The following DNAAF9 variants were observed in gnomAD, a reference collection of about 807,000 sequenced individuals.
DNAAF9 encodes the protein dynein axonemal assembly factor 9.
Under a neutral mutation model 167.0 loss-of-function variants are expected in DNAAF9, and 90 were observed. The observed-to-expected ratio is 0.54, with a 90% CI of 0.45 to 0.64. DNAAF9 has a LOEUF of 0.64. Among genes scored for constraint, DNAAF9 ranks in the 30% least tolerant of loss-of-function variants. The pLI is 0.00. For synonymous variants in DNAAF9, 491 were observed against 508.8 expected, an observed-to-expected ratio of 0.96 and a Z score of 0.47; for missense variants, 1,315 against 1,442.2, an observed-to-expected ratio of 0.91 and a Z score of 1.43.
intron 1 of DNAAF9, among the ~76,000 whole-genome samples, chr20:3,394,769 A>C (rs1026751234): frequency 6.6e-6 from 1 of 152,018 alleles, no homozygotes; most frequent in Non-Finnish European, 1.5e-5. Flanking sequence ...TTGGATCTCT[A>C]TCTGAGGCAT....
rs1261440724 is a variant in DNAAF9, at chr20:3,379,017, C to T, written c.283+2362G>A. ...TCTCAGCATATTGGTCCTTCTCACACACTCCCTCCAAGAGCCCTTCCCTGA... is the reference window on the plus strand; with the variant it reads ...TCTCAGCATATTGGTCCTTCTCACATACTCCCTCCAAGAGCCCTTCCCTGA... On this transcript the variant is annotated intron_variant, in intron 3 of 36. Coordinates refer to ENST00000252032, the MANE Select transcript of DNAAF9 (RefSeq NM_001009984.3). Among the ~76,000 whole-genome samples, 3 of 151,712 alleles carry T rather than the reference C, an allele frequency of 2.0e-5. 1 individual carries two copies. The highest frequency in any genetic ancestry group is 4.4e-5 in the Non-Finnish European group (3 of 67,856).
At chr20:3,252,824 CTT>C in intron 36 of DNAAF9, 140 bp from the exon 37 acceptor site, 2 of 645,378 alleles carry the variant, frequency 3.1e-6, no homozygotes, top group Admixed American at 2.6e-5. Flanking sequence ...CTGATGGACT[CTT>C]TGTATATACT....
At chr20:3,284,298 A>T (rs2068813923) in intron 27 of DNAAF9, among the ~76,000 whole-genome samples, 1 of 149,522 alleles carries the variant, frequency 6.7e-6, no homozygotes, top group Non-Finnish European at 1.5e-5. Context: ...CTCCTGCCTC[A>T]GCCTCCTGAG....
intron 10 of DNAAF9, among the ~76,000 whole-genome samples, chr20:3,338,950 G>A (rs917429352): frequency 2.0e-5 from 3 of 151,898 alleles, no homozygotes; most frequent in South Asian, 2.1e-4. Context: ...CACTGTGCCC[G>A]GCTGGTTCTT....
chr20:3,376,856 A>G (rs559609444), intron 3 of DNAAF9, among the ~76,000 whole-genome samples: 2 of 152,314 alleles, frequency 1.3e-5, no homozygotes, highest in African/African-American at 4.8e-5. Context: ...CGAGGTCAGG[A>G]GTTTGAGACC....
intron 29 of DNAAF9, among the ~76,000 whole-genome samples, chr20:3,276,924 T>C (rs530013310): frequency 1.7e-4 from 26 of 152,304 alleles, no homozygotes; most frequent in African/African-American, 6.3e-4. Flanking sequence ...ACTGCTTCTC[T>C]GAGTCAATCT....
intron 1 of DNAAF9, 73 bp downstream of exon 1, chr20:3,407,401 CG>C: frequency 8.7e-7 from 1 of 1,154,098 alleles, no homozygotes; most frequent in Non-Finnish European, 1.1e-6. Context: ...CGCCCTGCGG[CG>C]GGAGGCGTCG....
chr20:3,347,731 T>C (rs1001951760), intron 8 of DNAAF9, among the ~76,000 whole-genome samples: 1 of 152,122 alleles, frequency 6.6e-6, no homozygotes, highest in African/African-American at 2.4e-5. Flanking sequence ...GAGACCAGCC[T>C]GGTCAACATG....
intron 21 of DNAAF9, among the ~76,000 whole-genome samples, chr20:3,303,370 T>C (rs1167103322): frequency 6.6e-6 from 1 of 152,236 alleles, no homozygotes; most frequent in Non-Finnish European, 1.5e-5. Flanking sequence ...TTTTATATTC[T>C]ATTTGTGAAA....
chr20:3,389,006 T>C (rs929295704), intron 1 of DNAAF9, among the ~76,000 whole-genome samples: 2 of 152,192 alleles, frequency 1.3e-5, no homozygotes, highest in Non-Finnish European at 2.9e-5. Flanking sequence ...TTCGTTCTTG[T>C]TGCCTAGGCT....
chr20:3,402,604 A>C (rs1385129046), intron 1 of DNAAF9, among the ~76,000 whole-genome samples: 1 of 150,408 alleles, frequency 6.6e-6, no homozygotes, highest in Non-Finnish European at 1.5e-5. Flanking sequence ...TTGACACAGG[A>C]TCTCACTCTG....
At chr20:3,327,249 G>A (rs2069727080) in intron 12 of DNAAF9, among the ~76,000 whole-genome samples, 1 of 152,258 alleles carries the variant, frequency 6.6e-6, no homozygotes, top group South Asian at 2.1e-4. Flanking sequence ...CCTGTGCATT[G>A]TAGGATGTTC....
chr20:3,394,017 A>G (rs2083865193), intron 1 of DNAAF9, among the ~76,000 whole-genome samples: 1 of 152,184 alleles, frequency 6.6e-6, no homozygotes, highest in Non-Finnish European at 1.5e-5. Context: ...TTTTTTCAGA[A>G]TAATTTACAT....
Position 3,259,427 on chromosome 20 carries a change from T to C in DNAAF9, c.3055+53A>G, listed in dbSNP as rs368078121. ...CAGCAGAGGCTCTGAACTCACATCA[T>C]GAGATGCAAGCACTCCATGGTGTAG... On this transcript the variant is annotated intron_variant, in intron 33 of 36. Coordinates refer to ENST00000252032, the MANE Select transcript of DNAAF9 (RefSeq NM_001009984.3). 3.0e-4 allele frequency: 337 copies of C among 1,119,822 alleles called. 1 individual carries two copies. The highest frequency in any genetic ancestry group is 2.1e-3 in the Admixed American group (123 of 59,410). The allele number at this position is 1,119,822 out of a possible 1,614,324, so 69.4% of individuals were successfully genotyped here. A position where few individuals can be genotyped will look rare whatever the true frequency, so the allele number is the denominator to read the frequency against.
At chr20:3,261,010 G>A (rs1216375011) in intron 31 of DNAAF9, among the ~76,000 whole-genome samples, 3 of 152,028 alleles carry the variant, frequency 2.0e-5, no homozygotes, top group Non-Finnish European at 2.9e-5. Flanking sequence ...ACATATAGAT[G>A]TGTACACCTG....
At chr20:3,359,958 A>G (rs1282669310) in intron 6 of DNAAF9, 1 of 159,048 alleles carries the variant, frequency 6.3e-6, no homozygotes, top group African/African-American at 2.4e-5. Flanking sequence ...CAGAAGGCTT[A>G]TAATAAAAAA....
intron 31 of DNAAF9, among the ~76,000 whole-genome samples, chr20:3,260,599 T>TG (rs11394828): frequency 0.24 from 36,419 of 151,828 alleles, 4,795 homozygotes; most frequent in African/African-American, 0.34. Context: ...CCTGGTACGG[T>TG]GGGGGGCTCT....
intron 23 of DNAAF9, 161 bp downstream of exon 23, chr20:3,296,697 TCCC>T (rs1199091367): frequency 6.3e-6 from 4 of 638,220 alleles, no homozygotes; most frequent in African/African-American, 5.5e-5. Context: ...TGCCTTCTAT[TCCC>T]CCAAGGGCAC....
At position 3,376,231 on chromosome 20, in the gene DNAAF9, G is replaced by A. The variant is rs768702805; in HGVS notation, c.355C>T (p.Pro119Ser). ...AGATTTCTCCAATGTGCCACATAAGGTAAGAGATAGCGAAAGTTTACAGGA... is the reference window on the plus strand; with the variant it reads ...AGATTTCTCCAATGTGCCACATAAGATAAGAGATAGCGAAAGTTTACAGGA... ...CNPVNFRYLL[P>S]YVAHWRNLHF... The change falls in exon 4 of 37, where the codon CCT (proline) becomes TCT (serine). Residue 119 changes from proline (P) to serine (S), a missense_variant. By Grantham distance (74) the Pro-to-Ser change is moderately conservative (BLOSUM62 -1). Coordinates refer to ENST00000252032, the MANE Select transcript of DNAAF9 (RefSeq NM_001009984.3). The A allele has an allele frequency of 5.5e-5, 88 of 1,613,368 alleles. No individual in the cohort carries two copies. In the Admixed American group the frequency reaches 6.5e-4, roughly 12 times the overall value.
Sources: gnomAD v4.1 joint callset for allele counts (sites outside exome capture counted in the v4.1 genomes callset) on GRCh38, gnomAD v4.1.1 for gene constraint, MANE v1.5 for transcripts, NCBI Gene and HGNC (gene_info 2026-07-23, HGNC 2026-07-21) for gene names.